The following TBC1D22A variants were observed in gnomAD, a reference collection of about 807,000 sequenced individuals.
TBC1D22A encodes the protein putative GTPase activator.
TBC1D22A carries 38 observed loss-of-function variants against 60.2 expected under a neutral mutation model. The ratio of observed to expected loss-of-function variants is 0.63; its 90% CI spans 0.49 to 0.83. The LOEUF is 0.83. TBC1D22A is among the 40% of genes least tolerant of loss of function. The pLI, the probability that TBC1D22A is intolerant of heterozygous loss-of-function variation, is 0.00. For missense variants in TBC1D22A, 628 were observed against 701.0 expected (o/e 0.90, Z 1.18); for synonymous variants, 302 against 281.7 (o/e 1.07, Z -0.72).
In TBC1D22A at chr22:47,154,218, C is replaced by T. The variant is rs561832677; in HGVS notation, c.1426-19280C>T. Among the ~76,000 whole-genome samples the T allele has an allele frequency of 2.3e-4, 35 of 152,244 alleles. 1 individual carries two copies. In the South Asian group the frequency reaches 2.7e-3, roughly 12 times the overall value. ...AGGGCGGTCCTGTGTGCCCCTGTCA[C>T]CCTCCCCTCCAGCCCACCTCCTCAC... On this transcript the variant is annotated intron_variant, in intron 12 of 12. Coordinates refer to ENST00000337137, the MANE Select transcript of TBC1D22A (RefSeq NM_014346.5).
At chr22:46,980,986 A>G (rs1224474981) in intron 9 of TBC1D22A, among the ~76,000 whole-genome samples, 4 of 152,278 alleles carry the variant, frequency 2.6e-5, no homozygotes, top group African/African-American at 9.6e-5. Context: ...GCTACTTACA[A>G]GACACCGAAA....
At chr22:46,795,885 T>G (rs965770965) in intron 3 of TBC1D22A, among the ~76,000 whole-genome samples, 3 of 152,216 alleles carry the variant, frequency 2.0e-5, no homozygotes, top group Non-Finnish European at 4.4e-5. Context: ...CTGCTCTTCC[T>G]GCTGAATATT....
intron 11 of TBC1D22A, among the ~76,000 whole-genome samples, chr22:47,097,229 T>G (rs1439851256): frequency 6.6e-6 from 1 of 152,258 alleles, no homozygotes; most frequent in Non-Finnish European, 1.5e-5. Context: ...GTTGTCATGC[T>G]AGTTTTGGCC....
At chr22:47,130,956 A>G (rs1204421406) in intron 12 of TBC1D22A, among the ~76,000 whole-genome samples, 1 of 152,242 alleles carries the variant, frequency 6.6e-6, no homozygotes, top group Non-Finnish European at 1.5e-5. Flanking sequence ...GCATCTGCTC[A>G]GCTTCTGGGG....
At chr22:46,933,612 A>G (rs1363848350) in intron 8 of TBC1D22A, among the ~76,000 whole-genome samples, 1 of 151,712 alleles carries the variant, frequency 6.6e-6, no homozygotes, top group East Asian at 1.9e-4. Flanking sequence ...GGACAGAGAC[A>G]GGGAGAGACC....
chr22:46,877,366 A>G (rs745460721), intron 4 of TBC1D22A, among the ~76,000 whole-genome samples: 5 of 152,378 alleles, frequency 3.3e-5, no homozygotes, highest in Non-Finnish European at 5.9e-5. Flanking sequence ...AGAGAGGTTC[A>G]GAGAACATTA....
chr22:47,126,008 G>A (rs938029706), intron 12 of TBC1D22A, among the ~76,000 whole-genome samples: 6 of 152,260 alleles, frequency 3.9e-5, no homozygotes, highest in Non-Finnish European at 7.4e-5. Flanking sequence ...TTGAGACAGA[G>A]TCTCGCTCTG....
chr22:46,988,858 G>GGCATTGA (rs1317657059), intron 9 of TBC1D22A, among the ~76,000 whole-genome samples: 1 of 152,194 alleles, frequency 6.6e-6, no homozygotes, highest in Non-Finnish European at 1.5e-5. Flanking sequence ...TTTGAAGTGA[G>GGCATTGA]GCATTGACTC....
intron 12 of TBC1D22A, among the ~76,000 whole-genome samples, chr22:47,160,753 C>G (rs541102367): frequency 9.2e-5 from 14 of 152,292 alleles, no homozygotes; most frequent in African/African-American, 3.4e-4. Context: ...GCCACGGGGA[C>G]CGAGATGGCA....
intron 8 of TBC1D22A, chr22:46,913,326 G>A (rs759900288): frequency 1.5e-6 from 2 of 1,365,968 alleles, no homozygotes; most frequent in Non-Finnish European, 9.8e-7. Context: ...ATTACATGGT[G>A]TTTTTAGCCT....
chr22:47,007,077 G>A (rs961275753), intron 10 of TBC1D22A, among the ~76,000 whole-genome samples: 1 of 152,172 alleles, frequency 6.6e-6, no homozygotes, highest in Non-Finnish European at 1.5e-5. Context: ...GGGTCTGCAG[G>A]TGGCCCCTTC....
At chr22:47,161,201 A>G (rs1415573411) in intron 12 of TBC1D22A, among the ~76,000 whole-genome samples, 2 of 152,160 alleles carry the variant, frequency 1.3e-5, no homozygotes, top group African/African-American at 4.8e-5. Context: ...CATGTTTTCA[A>G]TACATGCCCT....
At chr22:46,917,696 G>T (rs912486211) in intron 8 of TBC1D22A, among the ~76,000 whole-genome samples, 3 of 152,104 alleles carry the variant, frequency 2.0e-5, no homozygotes, top group African/African-American at 7.2e-5. Context: ...GGAAATTGTC[G>T]GCCTGGAAAT....
intron 4 of TBC1D22A, among the ~76,000 whole-genome samples, chr22:46,876,704 GCC>G (rs941881198): frequency 6.6e-6 from 1 of 152,176 alleles, no homozygotes; most frequent in African/African-American, 2.4e-5. Flanking sequence ...AGGCGCCTAG[GCC>G]CATTGCTGAC....
intron 8 of TBC1D22A, among the ~76,000 whole-genome samples, chr22:46,961,638 A>T (rs577349623): frequency 1.3e-5 from 2 of 152,186 alleles, no homozygotes; most frequent in Non-Finnish European, 2.9e-5. Flanking sequence ...GAAGAAGCTT[A>T]AAGTCATTTC....
intron 11 of TBC1D22A, among the ~76,000 whole-genome samples, chr22:47,072,415 C>T (rs2064033506): frequency 1.3e-5 from 2 of 152,258 alleles, no homozygotes; most frequent in South Asian, 2.1e-4. Flanking sequence ...CTTGGCTTTG[C>T]AGCAGTGCAG....
chr22:47,172,095 G>T (rs527478010), intron 12 of TBC1D22A, among the ~76,000 whole-genome samples: 63 of 146,988 alleles, frequency 4.3e-4, no homozygotes, highest in African/African-American at 1.5e-3. Flanking sequence ...AGCACTCCCA[G>T]TGAGCTGTGT....
chr22:47,157,124 G>C (rs1019567797), intron 12 of TBC1D22A, among the ~76,000 whole-genome samples: 1 of 152,230 alleles, frequency 6.6e-6, no homozygotes. Context: ...TCCTGTGGGG[G>C]TGATTCGTCT....
chr22:46,807,577 A>G (rs76572180), intron 4 of TBC1D22A, among the ~76,000 whole-genome samples: 2,002 of 152,278 alleles, frequency 0.013, 48 homozygotes, highest in African/African-American at 0.046. Flanking sequence ...GTGTTTATCC[A>G]GCCTTCCCCA....
Sources: gnomAD v4.1 joint callset for allele counts (sites outside exome capture counted in the v4.1 genomes callset) on GRCh38, gnomAD v4.1.1 for gene constraint, MANE v1.5 for transcripts, NCBI Gene and HGNC (gene_info 2026-07-23, HGNC 2026-07-21) for gene names.